The following VCL variants were observed in gnomAD, a reference collection of about 807,000 sequenced individuals.
The protein encoded by VCL is vinculin.
In VCL, 47 loss-of-function variants were observed where a neutral mutation model predicts 125.7. The ratio of observed to expected loss-of-function variants is 0.37; its 90% CI spans 0.30 to 0.48. The LOEUF (loss-of-function observed/expected upper bound fraction) is 0.48. VCL is among the 20% of genes least tolerant of loss of function. VCL has a pLI of 0.99. For missense variants in VCL, 1,069 were observed against 1,455.5 expected (o/e 0.73, Z 4.32); for synonymous variants, 458 against 514.6 (o/e 0.89, Z 1.49).
intron 10 of VCL, among the ~76,000 whole-genome samples, chr10:74,091,174 G>A (rs1332978430): frequency 6.6e-6 from 1 of 152,098 alleles, no homozygotes; most frequent in Non-Finnish European, 1.5e-5. Context: ...ATAACACTAA[G>A]GAAGGGTTTA....
chr10:74,072,940 CTTTTCTTTTTTTTTT>C, intron 5 of VCL, 88 bp downstream of exon 5: 1 of 1,501,170 alleles, frequency 6.7e-7, no homozygotes, highest in East Asian at 2.3e-5. Context: ...CTTTTGTTTT[CTTTTCTTTTTTTTTT>C]TTTTGAGATG....
At chr10:74,050,573 G>A (rs12258654) in intron 2 of VCL, among the ~76,000 whole-genome samples, 4,919 of 152,182 alleles carry the variant, frequency 0.032, 272 homozygotes, top group African/African-American at 0.11. Context: ...TTCTTTGCTT[G>A]TGATCTTGAA....
chr10:74,045,468 T>C (rs1042481337), intron 2 of VCL, among the ~76,000 whole-genome samples: 6 of 151,198 alleles, frequency 4.0e-5, no homozygotes, highest in Non-Finnish European at 7.4e-5. Flanking sequence ...ACTAACAATA[T>C]AAAAATTAGC....
intron 1 of VCL, among the ~76,000 whole-genome samples, chr10:74,020,607 G>A (rs966043791): frequency 3.3e-5 from 5 of 152,048 alleles, no homozygotes; most frequent in Non-Finnish European, 4.4e-5. Context: ...TTGGGAGACC[G>A]AGGTGGGTGG....
At chr10:74,113,551 GC>G (rs1840263746) in intron 19 of VCL, among the ~76,000 whole-genome samples, 1 of 151,722 alleles carries the variant, frequency 6.6e-6, no homozygotes, top group South Asian at 2.1e-4. Flanking sequence ...TAGAGGGATA[GC>G]CAGAGCAGGC....
In VCL at chr10:74,109,021, C is replaced by T; in HGVS notation, c.2610C>T (p.Val870=). 1 of 1,614,108 alleles carries T rather than the reference C, an allele frequency of 6.2e-7. No individual in the cohort carries two copies. Among genetic ancestry groups the T allele is most frequent in the South Asian group, 1.1e-5 (1 of 91,066 alleles). Residue 870 remains valine (V), a synonymous_variant, in exon 18 of 22, where the codon GTC becomes GTT. Coordinates refer to ENST00000211998, the MANE Select transcript of VCL (RefSeq NM_014000.3). ...PPKPPLPEGE[V]PPPRPPPPEE... ...AACCACCTCTGCCTGAAGGTGAGGT[C>T]CCTCCACCTAGGCCTCCACCACCAG... is the stretch of plus-strand genomic sequence containing the variant.
At chr10:74,044,147 A>G (rs1411767019) in intron 2 of VCL, among the ~76,000 whole-genome samples, 1 of 152,044 alleles carries the variant, frequency 6.6e-6, no homozygotes, top group Non-Finnish European at 1.5e-5. Flanking sequence ...TTTCAGTTAC[A>G]TTTTAAATTT....
rs200355200 is a variant in VCL, at chr10:74,107,397, T to G, written c.2559+43T>G. On this transcript the variant is annotated intron_variant, in intron 17 of 21. Coordinates refer to ENST00000211998, the MANE Select transcript of VCL (RefSeq NM_014000.3). ...TGCAGAGAATTGAGCAGGAAGGTGTTGAGACTTCAGCAAGAGAGAGGTAGA... is the reference window on the plus strand; with the variant it reads ...TGCAGAGAATTGAGCAGGAAGGTGTGGAGACTTCAGCAAGAGAGAGGTAGA... 16 of 1,614,024 alleles carry G rather than the reference T, an allele frequency of 9.9e-6. No homozygotes were observed. The African/African-American group carries it at 1.9e-4, about 19-fold the overall frequency.
intron 1 of VCL, among the ~76,000 whole-genome samples, chr10:74,015,719 C>G (rs1464155665): frequency 6.7e-6 from 1 of 150,032 alleles, no homozygotes; most frequent in East Asian, 2.0e-4. Context: ...AAGTCTCACT[C>G]TGTTGCCCAG....
At chr10:74,068,264 A>G (rs543887164) in intron 2 of VCL, among the ~76,000 whole-genome samples, 1 of 152,162 alleles carries the variant, frequency 6.6e-6, no homozygotes, top group African/African-American at 2.4e-5. Flanking sequence ...CTGGGCTATT[A>G]TGTAGCTTTA....
intron 13 of VCL, among the ~76,000 whole-genome samples, chr10:74,098,122 T>A (rs1446162882): frequency 6.6e-6 from 1 of 152,244 alleles, no homozygotes; most frequent in Non-Finnish European, 1.5e-5. Flanking sequence ...CCCCTCATGC[T>A]ACATCTGTAT....
chr10:74,082,361 T>C (rs1839689781), intron 6 of VCL, 93 bp from the exon 7 acceptor site: 9 of 1,347,362 alleles, frequency 6.7e-6, no homozygotes, highest in Non-Finnish European at 9.5e-6. Flanking sequence ...CTTAGCTATG[T>C]ATGTTAATGC....
Position 74,032,845 on chromosome 10 carries a change from G to A in VCL, c.169-10238G>A, listed in dbSNP as rs185534936. On this transcript the variant is annotated intron_variant, in intron 1 of 21. Coordinates refer to ENST00000211998, the MANE Select transcript of VCL (RefSeq NM_014000.3). Reference sequence around the variant, plus strand: ...CAGGTCAAAACCACAATGAGATACCGCTTCAGTAGGAGGGCTGTAATTAAA... The same window carrying A: ...CAGGTCAAAACCACAATGAGATACCACTTCAGTAGGAGGGCTGTAATTAAA... Among the ~76,000 whole-genome samples the A allele has an allele frequency of 1.9e-4, 29 of 152,112 alleles. No homozygotes were observed. The East Asian group carries it at 4.6e-3, about 24-fold the overall frequency.
At chr10:74,039,646 C>T (rs1305576624) in intron 1 of VCL, among the ~76,000 whole-genome samples, 1 of 151,894 alleles carries the variant, frequency 6.6e-6, no homozygotes, top group Non-Finnish European at 1.5e-5. Context: ...ATTAGCTAGG[C>T]GTGGTGTCTC....
At chr10:74,032,260 A>AAG (rs71021587) in intron 1 of VCL, among the ~76,000 whole-genome samples, 2 of 149,710 alleles carry the variant, frequency 1.3e-5, no homozygotes, top group African/African-American at 4.9e-5. Flanking sequence ...AAAAAAAAAA[A>AAG]GAAAAAGGAA....
Position 74,097,316 on chromosome 10 carries a change from C to A in VCL, c.1856C>A (p.Ala619Glu), listed in dbSNP as rs771628544. The change falls in exon 13 of 22, where the codon GCG becomes GAG. Residue 619 changes from alanine to glutamate, a missense_variant. This residue lies in a region of VCL where 760 missense variants were observed against 928.9 expected (regional missense o/e 0.82). Coordinates refer to ENST00000211998, the MANE Select transcript of VCL (RefSeq NM_014000.3). This position sits in a 1 kb window ranked among gnomAD's most constrained non-coding sequence, Gnocchi z 4.1. ...LAVAATAPPD[A>E]PNREEVFDER... ...GTGGCAGCCACGGCGCCTCCTGATG[C>A]GCCTAACAGGGAAGAGGTGGGTATC... The A allele has an allele frequency of 2.5e-6, 4 of 1,613,314 alleles. No individual in the cohort carries two copies. The African/African-American group carries it at 5.3e-5, about 22-fold the overall frequency.
At chr10:74,113,902 C>CA (rs1564535485) in intron 19 of VCL, among the ~76,000 whole-genome samples, 1 of 151,992 alleles carries the variant, frequency 6.6e-6, no homozygotes. Context: ...CTGGGTCTTC[C>CA]TTTTTTTTAG....
At chr10:74,058,020 G>C (rs532804837) in intron 2 of VCL, among the ~76,000 whole-genome samples, 1 of 152,292 alleles carries the variant, frequency 6.6e-6, no homozygotes, top group East Asian at 1.9e-4. Flanking sequence ...GGACTTCTCA[G>C]ACTGGGAAGT....
At chr10:74,025,538 C>T (rs574607954) in intron 1 of VCL, among the ~76,000 whole-genome samples, 69 of 150,396 alleles carry the variant, frequency 4.6e-4, no homozygotes, top group African/African-American at 1.6e-3. Flanking sequence ...TGATTGAGCT[C>T]GGAAGGTCAA....
Sources: allele counts gnomAD v4.1 joint callset (sites outside exome capture counted in the v4.1 genomes callset), GRCh38; gene constraint gnomAD v4.1.1; regional missense constraint gnomAD v4.1.1; non-coding constraint Gnocchi (gnomAD v3.1); transcripts MANE v1.5; gene names NCBI Gene and HGNC (gene_info 2026-07-23, HGNC 2026-07-21).